The following PRKCE variants were observed in gnomAD, a reference collection of about 807,000 sequenced individuals.
The protein encoded by PRKCE is protein kinase C epsilon, also known as protein kinase C epsilon type.
In PRKCE, 16 loss-of-function variants were observed where a neutral mutation model predicts 85.4. The ratio of observed to expected loss-of-function variants is 0.19; its 90% CI spans 0.13 to 0.28. The LOEUF (loss-of-function observed/expected upper bound fraction) is 0.28. PRKCE is among the 10% of genes least tolerant of loss of function. PRKCE has a pLI of 1.00. For synonymous variants in PRKCE, 388 were observed against 371.5 expected (o/e 1.04, Z -0.51); for missense variants, 573 against 975.2 (o/e 0.59, Z 5.49).
At chr2:46,170,547 A>T (rs1678794671) in intron 14 of PRKCE, among the ~76,000 whole-genome samples, 1 of 152,212 alleles carries the variant, frequency 6.6e-6, no homozygotes, top group Non-Finnish European at 1.5e-5. Context: ...AATTCCTGGC[A>T]CATAGTAGGT....
chr2:46,136,425 A>G (rs1313875994), intron 11 of PRKCE, among the ~76,000 whole-genome samples: 9 of 152,202 alleles, frequency 5.9e-5, no homozygotes, highest in Admixed American at 4.6e-4. Flanking sequence ...GAAAAATACA[A>G]TTTTCCAAAT....
At chr2:46,100,787 C>T (rs1671136078) in intron 11 of PRKCE, among the ~76,000 whole-genome samples, 1 of 152,156 alleles carries the variant, frequency 6.6e-6, no homozygotes, top group East Asian at 1.9e-4. Context: ...CTCTAAGATG[C>T]CATGACAAGG....
At chr2:45,658,222 T>C (rs1675470729) in intron 1 of PRKCE, among the ~76,000 whole-genome samples, 2 of 152,142 alleles carry the variant, frequency 1.3e-5, no homozygotes, top group African/African-American at 4.8e-5. Context: ...TTTCCCCTAC[T>C]CCCATAATAC....
intron 1 of PRKCE, among the ~76,000 whole-genome samples, chr2:45,729,470 A>T (rs546456751): frequency 7.4e-4 from 113 of 152,230 alleles, no homozygotes; most frequent in African/African-American, 2.5e-3. Context: ...AGCCTCCATC[A>T]TATGCATCTA....
intron 1 of PRKCE, among the ~76,000 whole-genome samples, chr2:45,820,838 G>A (rs77953141): frequency 2.0e-5 from 3 of 152,092 alleles, no homozygotes; most frequent in Non-Finnish European, 4.4e-5. Flanking sequence ...GGGTCATGTT[G>A]ACCTTAGTGG....
chr2:45,733,177 C>G (rs1231559104), intron 1 of PRKCE, among the ~76,000 whole-genome samples: 2 of 152,224 alleles, frequency 1.3e-5, no homozygotes, highest in Non-Finnish European at 2.9e-5. Context: ...GAGGAGGTAT[C>G]AGACTGACTG....
intron 1 of PRKCE, among the ~76,000 whole-genome samples, chr2:45,662,085 C>T (rs1675689808): frequency 6.6e-6 from 1 of 152,132 alleles, no homozygotes. Flanking sequence ...ATTCTTTAAT[C>T]AGACTGACTG....
At chr2:45,780,426 G>T (rs1042439037) in intron 1 of PRKCE, among the ~76,000 whole-genome samples, 2 of 152,102 alleles carry the variant, frequency 1.3e-5, no homozygotes, top group Admixed American at 6.5e-5. Flanking sequence ...TATATTCCTT[G>T]TAAACTGGTA....
intron 1 of PRKCE, chr2:45,701,355 CCTAT>C (rs970658101): frequency 2.0e-5 from 3 of 152,100 alleles, no homozygotes; most frequent in Admixed American, 1.3e-4. Context: ...GATTGATCCA[CCTAT>C]CTATCTGTCT....
chr2:46,056,994 G>A (rs1666644341), intron 10 of PRKCE, among the ~76,000 whole-genome samples: 1 of 152,130 alleles, frequency 6.6e-6, no homozygotes, highest in African/African-American at 2.4e-5. Flanking sequence ...CAGAGGGTTT[G>A]AACAGTGGGG....
chr2:46,013,333 A>G (rs1705846615), intron 10 of PRKCE, among the ~76,000 whole-genome samples: 2 of 152,238 alleles, frequency 1.3e-5, no homozygotes, highest in Non-Finnish European at 2.9e-5. Flanking sequence ...GGATTCACTG[A>G]TAATAGATTG....
intron 1 of PRKCE, among the ~76,000 whole-genome samples, chr2:45,838,606 A>T (rs968186753): frequency 6.6e-6 from 1 of 152,048 alleles, no homozygotes; most frequent in South Asian, 2.1e-4. Context: ...ATTTTAAAGT[A>T]CAATACTCTT....
intron 2 of PRKCE, among the ~76,000 whole-genome samples, chr2:45,860,072 G>A (rs985641503): frequency 4.6e-5 from 7 of 152,006 alleles, no homozygotes; most frequent in Non-Finnish European, 5.9e-5. Flanking sequence ...ACTAGTATCA[G>A]TTTGTTTACT....
At chr2:45,721,694 A>G (rs1410129516) in intron 1 of PRKCE, among the ~76,000 whole-genome samples, 2 of 152,124 alleles carry the variant, frequency 1.3e-5, no homozygotes, top group East Asian at 1.9e-4. Context: ...CTGGGCAACA[A>G]GCTAAACCCC....
chr2:46,076,486 T>C (rs1044523881), intron 10 of PRKCE, among the ~76,000 whole-genome samples: 11 of 152,178 alleles, frequency 7.2e-5, no homozygotes, highest in African/African-American at 2.7e-4. Flanking sequence ...AGGCAGGAAA[T>C]GTTTATTTGA....
chr2:45,721,562 A>T (rs912733630), intron 1 of PRKCE, among the ~76,000 whole-genome samples: 4 of 152,114 alleles, frequency 2.6e-5, no homozygotes, highest in Non-Finnish European at 4.4e-5. Flanking sequence ...GCATAGTCCC[A>T]ATTTAGTTTC....
At chr2:46,003,636 A>G (rs976553332) in intron 7 of PRKCE, among the ~76,000 whole-genome samples, 1 of 152,240 alleles carries the variant, frequency 6.6e-6, no homozygotes, top group Non-Finnish European at 1.5e-5. Context: ...TAAGATATAA[A>G]TAAGTGCCAA....
intron 2 of PRKCE, among the ~76,000 whole-genome samples, chr2:45,916,232 A>G (rs1697763777): frequency 6.6e-6 from 1 of 150,808 alleles, no homozygotes; most frequent in Non-Finnish European, 1.5e-5. Flanking sequence ...TTCTATATGC[A>G]CTGAGAAATT....
At chr2:46,183,564 G>A (rs549289373) in intron 14 of PRKCE, among the ~76,000 whole-genome samples, 1 of 152,114 alleles carries the variant, frequency 6.6e-6, no homozygotes, top group Non-Finnish European at 1.5e-5. Flanking sequence ...GGGGGAGAGG[G>A]GACCTGCTAT....
Sources: allele counts gnomAD v4.1 joint callset (sites outside exome capture counted in the v4.1 genomes callset), GRCh38; gene constraint gnomAD v4.1.1; transcripts MANE v1.5; gene names NCBI Gene and HGNC (gene_info 2026-07-23, HGNC 2026-07-21).